The following CADPS variants were observed in gnomAD, a reference collection of about 807,000 sequenced individuals.
CADPS encodes the protein calcium-dependent secretion activator 1.
In CADPS, 57 loss-of-function variants were observed where a neutral mutation model predicts 167.3. The ratio of observed to expected loss-of-function variants is 0.34; its 90% CI spans 0.28 to 0.42. The LOEUF is 0.42. Ranked by LOEUF, CADPS falls within the 20% of genes least tolerant of loss-of-function variation. CADPS has a pLI of 1.00. For missense variants in CADPS, 1,414 were observed against 1,738.1 expected (o/e 0.81, Z 3.32); for synonymous variants, 676 against 635.3 (o/e 1.06, Z -0.96).
At chr3:62,504,995 T>C (rs2066407503) in intron 17 of CADPS, among the ~76,000 whole-genome samples, 1 of 152,150 alleles carries the variant, frequency 6.6e-6, no homozygotes, top group African/African-American at 2.4e-5. Flanking sequence ...AGCCTATTGA[T>C]GTGTTGCTGA....
At chr3:62,869,144 A>G (rs1261883462) in intron 1 of CADPS, among the ~76,000 whole-genome samples, 1 of 152,154 alleles carries the variant, frequency 6.6e-6, no homozygotes, top group African/African-American at 2.4e-5. Context: ...ATTGAGCATC[A>G]TGTCATGATC....
chr3:62,506,503 T>A (rs1200142898), intron 17 of CADPS, among the ~76,000 whole-genome samples: 1 of 152,252 alleles, frequency 6.6e-6, no homozygotes, highest in Admixed American at 6.5e-5. Context: ...TTTTCTTCTC[T>A]AATTTGGTAT....
chr3:62,525,071 G>A (rs763555259), intron 13 of CADPS, among the ~76,000 whole-genome samples: 4 of 152,136 alleles, frequency 2.6e-5, no homozygotes, highest in Non-Finnish European at 5.9e-5. Flanking sequence ...TTTTGTACCA[G>A]TTAATTCAAT....
At chr3:62,459,123 T>C (rs914353396) in intron 26 of CADPS, among the ~76,000 whole-genome samples, 1 of 152,220 alleles carries the variant, frequency 6.6e-6, no homozygotes, top group Non-Finnish European at 1.5e-5. Context: ...ATAGAAGATA[T>C]AGCAGATCAG....
intron 1 of CADPS, among the ~76,000 whole-genome samples, chr3:62,837,248 C>G (rs1390437616): frequency 6.6e-6 from 1 of 152,102 alleles, no homozygotes; most frequent in Non-Finnish European, 1.5e-5. Context: ...AGTAACTTCC[C>G]CAAAATCGCA....
chr3:62,856,697 T>C lies in CADPS; in HGVS notation c.441+17892A>G, dbSNP rs149427056. Among the ~76,000 whole-genome samples, 11 of 151,964 alleles carry C rather than the reference T, an allele frequency of 7.2e-5. No individual in the cohort carries two copies. In the East Asian group the frequency reaches 2.1e-3, roughly 29 times the overall value. On this transcript the variant is annotated intron_variant, in intron 1 of 29. Transcript: ENST00000383710. ...AAATAAATTCAAATATTAATAATAT[T>C]AATACAATAAAAATTTAGTGCATTT... is the stretch of plus-strand genomic sequence containing the variant.
intron 4 of CADPS, among the ~76,000 whole-genome samples, chr3:62,660,098 A>G (rs957832653): frequency 4.6e-5 from 7 of 152,254 alleles, no homozygotes; most frequent in African/African-American, 1.2e-4. Context: ...CTATTCAGAG[A>G]TGAGCATCTT....
intron 1 of CADPS, among the ~76,000 whole-genome samples, chr3:62,768,199 T>G (rs2087446698): frequency 6.6e-6 from 1 of 152,230 alleles, no homozygotes. Context: ...GCAGTTGATT[T>G]GCTCATAAAA....
At chr3:62,510,670 C>A (rs887336862) in intron 17 of CADPS, among the ~76,000 whole-genome samples, 2 of 152,098 alleles carry the variant, frequency 1.3e-5, no homozygotes, top group African/African-American at 4.8e-5. Flanking sequence ...CATAGTCTGA[C>A]TAAAGGACTC....
In CADPS at chr3:62,609,315, G is replaced by C. The variant is rs192153284; in HGVS notation, c.1326-16567C>G. On this transcript the variant is annotated intron_variant, in intron 6 of 29. Coordinates refer to ENST00000383710, the MANE Select transcript of CADPS (RefSeq NM_003716.4). ...TTTCTCATGTTAGAGATAGATTCAC[G>C]GTATACAGTTAAGTCCATGTGGAGC... is the stretch of plus-strand genomic sequence containing the variant. 2.3e-3 allele frequency among the ~76,000 whole-genome samples: 342 copies of C among 151,736 alleles called. 1 individual carries two copies. The highest frequency in any genetic ancestry group is 2.9e-3 in the Non-Finnish European group (196 of 67,964).
intron 1 of CADPS, among the ~76,000 whole-genome samples, chr3:62,843,270 C>A (rs2076897476): frequency 6.6e-6 from 1 of 152,012 alleles, no homozygotes; most frequent in South Asian, 2.1e-4. Context: ...TAAACAGAAA[C>A]AAGATTTAAT....
intron 27 of CADPS, among the ~76,000 whole-genome samples, chr3:62,445,154 G>T (rs1012490794): frequency 6.6e-6 from 1 of 152,172 alleles, no homozygotes; most frequent in Non-Finnish European, 1.5e-5. Context: ...GTAAATTTTG[G>T]GAAACTTCGA....
At chr3:62,764,313 C>T (rs1434348753) in intron 2 of CADPS, among the ~76,000 whole-genome samples, 1 of 152,302 alleles carries the variant, frequency 6.6e-6, no homozygotes, top group East Asian at 1.9e-4. Context: ...CTCATTTCTA[C>T]TCCCCATGAA....
chr3:62,557,076 T>G (rs1165056818), intron 10 of CADPS, among the ~76,000 whole-genome samples: 1 of 151,320 alleles, frequency 6.6e-6, no homozygotes, highest in Non-Finnish European at 1.5e-5. Flanking sequence ...TGGGACTACT[T>G]CTTTTTCAGA....
chr3:62,626,491 T>C (rs1014351737), intron 6 of CADPS: 2 of 702,570 alleles, frequency 2.8e-6, no homozygotes, highest in Admixed American at 2.0e-5. Flanking sequence ...CTTGTACCCC[T>C]GGAGATGATT....
rs776275982 is a variant in CADPS at position 62,645,028 on chromosome 3, T to C, written c.1325+694A>G. On this transcript the variant is annotated intron_variant, in intron 6 of 29. Coordinates refer to ENST00000383710, the MANE Select transcript of CADPS (RefSeq NM_003716.4). Reference sequence around the variant, plus strand: ...ATTTGACTAAATTGTATTGACCCAATGAATTAATGTATTATGTAACATACT... The same window carrying C: ...ATTTGACTAAATTGTATTGACCCAACGAATTAATGTATTATGTAACATACT... 3.9e-5 allele frequency among the ~76,000 whole-genome samples: 6 copies of C among 152,224 alleles called. 1 individual carries two copies. Among genetic ancestry groups the C allele is most frequent in the Non-Finnish European group, 2.9e-5 (2 of 68,050 alleles).
intron 1 of CADPS, among the ~76,000 whole-genome samples, chr3:62,771,370 T>A (rs950415079): frequency 6.6e-6 from 1 of 152,190 alleles, no homozygotes; most frequent in Non-Finnish European, 1.5e-5. Flanking sequence ...CTTAACACCC[T>A]TTGCCAACTG....
Position 62,481,831 on chromosome 3 carries a change from T to A in CADPS, c.3065A>T (p.Asn1022Ile), listed in dbSNP as rs752937730. ...TSNLPNVNLPNVNLPKVPNLP... is the reference protein window; with the variant it reads ...TSNLPNVNLPIVNLPKVPNLP... Reference sequence around the variant, plus strand: ...ATTTGGTACTTTGGGAAGGTTCACATTGGGTAGGTTCACATTGGGTAGGTT... The same window carrying A: ...ATTTGGTACTTTGGGAAGGTTCACAATGGGTAGGTTCACATTGGGTAGGTT... Residue 1022 changes from asparagine to isoleucine, a missense_variant, in exon 22 of 30, where the codon AAT becomes ATT. Around this residue, in one of 6 missense-constraint regions of CADPS, gnomAD observed 529 missense variants for 629.6 expected, o/e 0.84. Transcript: ENST00000383710. 4 of 1,611,404 alleles carry A rather than the reference T, an allele frequency of 2.5e-6. No individual in the cohort carries two copies. In the African/African-American group the frequency reaches 4.0e-5, roughly 16 times the overall value.
chr3:62,761,549 C>A (rs1020419948), intron 2 of CADPS, among the ~76,000 whole-genome samples: 1 of 151,812 alleles, frequency 6.6e-6, no homozygotes, highest in Non-Finnish European at 1.5e-5. Context: ...CTTGCAAATA[C>A]CCCCATGTTC....
Sources: gnomAD v4.1 joint callset for allele counts (sites outside exome capture counted in the v4.1 genomes callset) on GRCh38, gnomAD v4.1.1 for gene constraint, gnomAD v4.1.1 regional missense constraint, MANE v1.5 for transcripts, NCBI Gene and HGNC (gene_info 2026-07-23, HGNC 2026-07-21) for gene names.